The following TNFSF4 variants were observed in gnomAD, a reference collection of about 807,000 sequenced individuals.
TNFSF4 encodes TNF superfamily member 4.
A neutral mutation model predicts 7.3 loss-of-function variants in TNFSF4; 4 were observed. That is an observed-to-expected ratio of 0.55 (90% CI 0.27 to 1.25). The LOEUF (loss-of-function observed/expected upper bound fraction) is 1.25, where lower values mean the gene tolerates loss of function less well. Among genes scored for constraint, TNFSF4 ranks in the 50% most tolerant of loss-of-function variants. The probability of loss-of-function intolerance (pLI) is 0.12; values close to 1 mark genes in which losing one functional copy is unlikely to be tolerated. For synonymous variants in TNFSF4, 76 were observed against 83.7 expected (o/e 0.91, Z 0.50); for missense variants, 181 against 208.8 (o/e 0.87, Z 0.82).
At chr1:173,282,688 A>C in the TNFSF4 span, among the ~76,000 whole-genome samples, 278 of 152,194 alleles carry the variant, frequency 1.8e-3, 4 homozygotes, top group Non-Finnish European at 2.4e-3. Context: ...CGAATTCCTG[A>C]CCTTGTGATC....
At chr1:173,352,427 A>G in the TNFSF4 span, among the ~76,000 whole-genome samples, 10 of 152,346 alleles carry the variant, frequency 6.6e-5, no homozygotes, top group East Asian at 1.9e-3. Context: ...ATAAAGGGAT[A>G]GAGTACAAAA....
At chr1:173,343,380 C>T in the TNFSF4 span, among the ~76,000 whole-genome samples, 7 of 152,178 alleles carry the variant, frequency 4.6e-5, no homozygotes, top group East Asian at 3.9e-4. Context: ...CAGATATCTG[C>T]GAAACCATTA....
At chr1:173,244,628 C>T in the TNFSF4 span, among the ~76,000 whole-genome samples, 10 of 130,636 alleles carry the variant, frequency 7.7e-5, no homozygotes, top group African/African-American at 2.6e-4. Flanking sequence ...GGCGACAGAG[C>T]GAGACTCTGT....
At chr1:173,292,652 GAA>G in the TNFSF4 span, among the ~76,000 whole-genome samples, 2 of 143,062 alleles carry the variant, frequency 1.4e-5, no homozygotes, top group African/African-American at 5.1e-5. Flanking sequence ...GAGCAATCAG[GAA>G]AAAAAAAAAG....
the TNFSF4 span, among the ~76,000 whole-genome samples, chr1:173,444,397 C>T: frequency 2.0e-5 from 3 of 151,580 alleles, no homozygotes; most frequent in Non-Finnish European, 4.4e-5. Context: ...TTTTTTCGTA[C>T]AAAAAGTTTG....
chr1:173,260,363 A>T, the TNFSF4 span, among the ~76,000 whole-genome samples: 1 of 152,150 alleles, frequency 6.6e-6, no homozygotes, highest in East Asian at 1.9e-4. Context: ...GAAAGGAAAA[A>T]CCATTACCAG....
At chr1:173,194,219 T>C (rs530154214) in intron 1 of TNFSF4, among the ~76,000 whole-genome samples, 2 of 152,238 alleles carry the variant, frequency 1.3e-5, no homozygotes, top group Non-Finnish European at 2.9e-5. Context: ...GAATGAATAG[T>C]ATGGTTGTCA....
chr1:173,355,240 A>G, the TNFSF4 span, among the ~76,000 whole-genome samples: 2 of 152,162 alleles, frequency 1.3e-5, no homozygotes, highest in African/African-American at 4.8e-5. Context: ...ACCTGGATGG[A>G]TAATCTAGAA....
chr1:173,218,878 C>T, the TNFSF4 span, among the ~76,000 whole-genome samples: 1 of 151,946 alleles, frequency 6.6e-6, no homozygotes, highest in East Asian at 1.9e-4. Flanking sequence ...TGAGAAAGTC[C>T]CAAGTAACCA....
the TNFSF4 span, among the ~76,000 whole-genome samples, chr1:173,239,173 C>T: frequency 5.9e-5 from 9 of 152,208 alleles, 1 homozygote; most frequent in South Asian, 1.9e-3. Context: ...CAGTATTCAA[C>T]ACGTCCAATT....
chr1:173,349,232 G>C, the TNFSF4 span, among the ~76,000 whole-genome samples: 3 of 152,004 alleles, frequency 2.0e-5, no homozygotes, highest in Non-Finnish European at 4.4e-5. Flanking sequence ...GTTTCACCAC[G>C]TTAGCCAGGA....
At chr1:173,205,704 T>C (rs1650158730) in intron 1 of TNFSF4, 1 of 533,084 alleles carries the variant, frequency 1.9e-6, no homozygotes, top group Non-Finnish European at 2.4e-6. Context: ...TTCCGGTTGA[T>C]GTCTTGGGCA....
At chr1:173,221,170 A>C in the TNFSF4 span, among the ~76,000 whole-genome samples, 1 of 152,228 alleles carries the variant, frequency 6.6e-6, no homozygotes, top group Non-Finnish European at 1.5e-5. Context: ...AGAGTAAAGC[A>C]GGTGTGAGGA....
At chr1:173,369,900 G>T in the TNFSF4 span, among the ~76,000 whole-genome samples, 11 of 152,148 alleles carry the variant, frequency 7.2e-5, no homozygotes, top group Non-Finnish European at 1.3e-4. Context: ...CCCACAGGAG[G>T]ACCTCTCAGC....
At chr1:173,200,043 A>T (rs1649876904) in intron 1 of TNFSF4, among the ~76,000 whole-genome samples, 2 of 152,246 alleles carry the variant, frequency 1.3e-5, no homozygotes. Flanking sequence ...AAGTATATTT[A>T]AATCTTTTTT....
At chr1:173,195,002 A>G (rs1273377070) in intron 1 of TNFSF4, among the ~76,000 whole-genome samples, 2 of 152,212 alleles carry the variant, frequency 1.3e-5, no homozygotes, top group Non-Finnish European at 2.9e-5. Flanking sequence ...TGATGTAGAA[A>G]GAATAACTAC....
chr1:173,324,214 T>A, the TNFSF4 span, among the ~76,000 whole-genome samples: 3 of 152,206 alleles, frequency 2.0e-5, no homozygotes, highest in African/African-American at 7.2e-5. Context: ...ATATTCAACA[T>A]TCTTAAAGAA....
chr1:173,305,539 A>G, the TNFSF4 span, among the ~76,000 whole-genome samples: 1 of 151,848 alleles, frequency 6.6e-6, no homozygotes, highest in Admixed American at 6.6e-5. Context: ...AGTTTCTTGA[A>G]CCAGTTGGAC....
At chr1:173,322,476 T>C in the TNFSF4 span, among the ~76,000 whole-genome samples, 1 of 151,968 alleles carries the variant, frequency 6.6e-6, no homozygotes, top group Non-Finnish European at 1.5e-5. Context: ...CAGAAGACGG[T>C]GATTTCTGCA....
Sources: allele counts gnomAD v4.1 joint callset (sites outside exome capture counted in the v4.1 genomes callset), GRCh38; gene constraint gnomAD v4.1.1; transcripts MANE v1.5; gene names NCBI Gene and HGNC (gene_info 2026-07-23, HGNC 2026-07-21).